The following NRXN1 variants were observed in gnomAD, a reference collection of about 807,000 sequenced individuals.
The protein encoded by NRXN1 is neurexin 1.
NRXN1 carries 39 observed loss-of-function variants against 150.9 expected under a neutral mutation model. That is an observed-to-expected ratio of 0.26 (90% CI 0.20 to 0.34). The LOEUF is 0.34. Among genes scored for constraint, NRXN1 ranks in the 10% least tolerant of loss-of-function variants. The pLI is 1.00. For synonymous variants in NRXN1, 924 were observed against 757.0 expected (o/e 1.22, Z -3.62); for missense variants, 1,815 against 1,949.9 (o/e 0.93, Z 1.30).
intron 18 of NRXN1, among the ~76,000 whole-genome samples, chr2:50,123,719 T>C (rs1574038490): frequency 6.6e-6 from 1 of 152,114 alleles, no homozygotes; most frequent in Non-Finnish European, 1.5e-5. Context: ...GTAGAGGCAA[T>C]GAGATTTACT....
rs115411813 is a variant in NRXN1 at position 50,990,503 on chromosome 2, T to C, written c.772+36999A>G. Among the ~76,000 whole-genome samples the C allele has an allele frequency of 6.6e-3, 1,011 of 152,112 alleles. 8 individuals carry two copies. The highest frequency in any genetic ancestry group is 0.022 in the African/African-American group (893 of 41,518). Reference sequence around the variant, plus strand: ...TTGAATTTCTTTGCCACATAGCTTATTCTCTAGGGAAGAAACACTTACATA... The same window carrying C: ...TTGAATTTCTTTGCCACATAGCTTACTCTCTAGGGAAGAAACACTTACATA... On this transcript the variant is annotated intron_variant, in intron 2 of 22. Coordinates refer to ENST00000401669, the MANE Select transcript of NRXN1 (RefSeq NM_001330078.2).
intron 18 of NRXN1, among the ~76,000 whole-genome samples, chr2:50,229,590 T>A (rs1414151755): frequency 6.6e-6 from 1 of 151,920 alleles, no homozygotes; most frequent in African/African-American, 2.4e-5. Context: ...TTGGATATGT[T>A]CTAAATACAG....
intron 17 of NRXN1, among the ~76,000 whole-genome samples, chr2:50,388,286 A>G (rs2081458412): frequency 6.6e-6 from 1 of 152,168 alleles, no homozygotes; most frequent in Admixed American, 6.6e-5. Context: ...ATATCAACCA[A>G]CACAAACAAT....
chr2:51,006,847 T>C (rs1700790196), intron 2 of NRXN1, among the ~76,000 whole-genome samples: 1 of 151,906 alleles, frequency 6.6e-6, no homozygotes, highest in Non-Finnish European at 1.5e-5. Flanking sequence ...ATATTCAAGT[T>C]TCGCCTTAGC....
intron 5 of NRXN1, among the ~76,000 whole-genome samples, chr2:50,776,655 TACACACAC>T (rs59117287): frequency 2.4e-3 from 348 of 147,378 alleles, no homozygotes; most frequent in Non-Finnish European, 3.1e-3. Context: ...TATATACACA[TACACACAC>T]ACACACACAC....
chr2:50,500,525 T>A (rs2091890607), intron 13 of NRXN1, among the ~76,000 whole-genome samples: 1 of 152,232 alleles, frequency 6.6e-6, no homozygotes, highest in Non-Finnish European at 1.5e-5. Context: ...TACAGCCACT[T>A]CTACTACTGT....
At chr2:50,537,169 AAACTG>A (rs2093280482) in intron 10 of NRXN1, among the ~76,000 whole-genome samples, 1 of 152,214 alleles carries the variant, frequency 6.6e-6, no homozygotes, top group Non-Finnish European at 1.5e-5. Flanking sequence ...GGTTTTCGGC[AAACTG>A]AACTGAACTA....
At chr2:51,006,774 T>A (rs1048888098) in intron 2 of NRXN1, among the ~76,000 whole-genome samples, 2 of 151,888 alleles carry the variant, frequency 1.3e-5, no homozygotes, top group Non-Finnish European at 2.9e-5. Context: ...TTCAAATGAG[T>A]AAGTGTCTTT....
At chr2:49,933,062 A>G (rs528944933) in intron 22 of NRXN1, among the ~76,000 whole-genome samples, 1 of 151,758 alleles carries the variant, frequency 6.6e-6, no homozygotes, top group South Asian at 2.1e-4. Flanking sequence ...CTTTAGGTGT[A>G]TTTTCTTTTT....
chr2:50,049,305 A>G (rs1033700889), intron 21 of NRXN1, among the ~76,000 whole-genome samples: 35 of 152,168 alleles, frequency 2.3e-4, no homozygotes, highest in Non-Finnish European at 2.9e-5. Context: ...AATCATGAGA[A>G]GACCTAATTA....
intron 17 of NRXN1, among the ~76,000 whole-genome samples, chr2:50,245,510 T>C (rs77208250): frequency 0.18 from 27,813 of 151,754 alleles, 3,352 homozygotes; most frequent in Middle Eastern, 0.26. Context: ...GCAGCAGGGA[T>C]AGGAAGAAAA....
At chr2:50,555,821 T>C (rs1451064314) in intron 8 of NRXN1, among the ~76,000 whole-genome samples, 1 of 152,208 alleles carries the variant, frequency 6.6e-6, no homozygotes, top group African/African-American at 2.4e-5. Flanking sequence ...TATGTGCATA[T>C]CCAGTTCATA....
chr2:49,967,030 T>C (rs1297308320), intron 21 of NRXN1, among the ~76,000 whole-genome samples: 2 of 151,532 alleles, frequency 1.3e-5, no homozygotes, highest in Admixed American at 6.6e-5. Context: ...TCTTAGGCAA[T>C]TGGTGGATTC....
chr2:50,415,762 A>G (rs1333647995), intron 17 of NRXN1, among the ~76,000 whole-genome samples: 1 of 152,086 alleles, frequency 6.6e-6, no homozygotes, highest in African/African-American at 2.4e-5. Flanking sequence ...ACTCGTAGTT[A>G]CATCTTTTTG....
intron 2 of NRXN1, among the ~76,000 whole-genome samples, chr2:50,954,497 G>A (rs1490341738): frequency 2.0e-5 from 3 of 152,176 alleles, no homozygotes; most frequent in African/African-American, 7.2e-5. Context: ...GGACATGCAG[G>A]AATTAGGGCA....
intron 5 of NRXN1, among the ~76,000 whole-genome samples, chr2:50,736,443 C>CA (rs1160472468): frequency 3.3e-5 from 5 of 152,068 alleles, no homozygotes; most frequent in Non-Finnish European, 7.4e-5. Context: ...TTACGCTTCA[C>CA]AAGGATAGTG....
intron 17 of NRXN1, among the ~76,000 whole-genome samples, chr2:50,318,987 A>G (rs2152971803): frequency 6.6e-6 from 1 of 152,262 alleles, no homozygotes; most frequent in South Asian, 2.1e-4. Context: ...TAATATTGTT[A>G]ATTGCAGTTT....
chr2:50,506,058 G>C (rs577091631), intron 13 of NRXN1, among the ~76,000 whole-genome samples: 112 of 152,184 alleles, frequency 7.4e-4, no homozygotes, highest in African/African-American at 2.6e-3. Flanking sequence ...AAATGAAAAA[G>C]TGTTTCATCT....
At chr2:50,252,849 C>T (rs1349106140) in intron 17 of NRXN1, among the ~76,000 whole-genome samples, 1 of 152,086 alleles carries the variant, frequency 6.6e-6, no homozygotes, top group Non-Finnish European at 1.5e-5. Flanking sequence ...TAACGTGATG[C>T]CTCCAGGTTT....
Sources: gnomAD v4.1 joint callset for allele counts (sites outside exome capture counted in the v4.1 genomes callset) on GRCh38, gnomAD v4.1.1 for gene constraint, MANE v1.5 for transcripts, NCBI Gene and HGNC (gene_info 2026-07-23, HGNC 2026-07-21) for gene names.